TC2N: variants seen among roughly 807,000 people sequenced by gnomAD.
TC2N encodes the protein tandem C2 domains, nuclear.
A neutral mutation model predicts 61.9 loss-of-function variants in TC2N; 51 were observed. The ratio of observed to expected loss-of-function variants is 0.82; its 90% CI spans 0.66 to 1.04. The LOEUF is 1.04. TC2N is among the 50% of genes least tolerant of loss of function. TC2N has a pLI of 0.00. For missense variants in TC2N, 556 were observed against 566.7 expected, an observed-to-expected ratio of 0.98 and a Z score of 0.19; for synonymous variants, 204 against 192.6, an observed-to-expected ratio of 1.06 and a Z score of -0.49.
chr14:91,783,248 C>T (rs1242116707), intron 11 of TC2N, 38 bp from the exon 12 acceptor site: 3 of 1,167,072 alleles, frequency 2.6e-6, no homozygotes, highest in African/African-American at 1.5e-5. Context: ...TAACTTGACA[C>T]AATAATAATA....
At chr14:91,813,391 T>A (rs1886865906) in intron 2 of TC2N, among the ~76,000 whole-genome samples, 1 of 151,798 alleles carries the variant, frequency 6.6e-6, no homozygotes, top group South Asian at 2.1e-4. Flanking sequence ...TACTATTTCA[T>A]CCACCTGTAA....
chr14:91,798,718 T>C (rs993274095), intron 6 of TC2N, among the ~76,000 whole-genome samples: 2 of 152,008 alleles, frequency 1.3e-5, no homozygotes, highest in Admixed American at 1.3e-4. Flanking sequence ...GCTCCTTCAC[T>C]AGTACACTTT....
chr14:91,846,638 C>T lies in TC2N; in HGVS notation c.-57+20624G>A, dbSNP rs574363783. 3.3e-5 allele frequency among the ~76,000 whole-genome samples: 5 copies of T among 152,340 alleles called. No individual in the cohort carries two copies. The South Asian group carries it at 1.0e-3, about 32-fold the overall frequency. ...CTCGCTTTGATTCCATCCCTTTACT[C>T]CCATTCAGAGAATTCTACTTGAATT... On this transcript the variant is annotated intron_variant, in intron 1 of 11. Coordinates refer to ENST00000435962, the MANE Select transcript of TC2N (RefSeq NM_001128596.3).
At position 91,787,509 on chromosome 14, in the gene TC2N, T is replaced by C. The variant is rs1457654763; in HGVS notation, c.1162+4A>G. The stretch of plus-strand genomic sequence containing the variant: ...ATTCTACTTTGAACCACTGATATAC[T>C]TACTCAAAGTCAGAGGTGTTGATGA... On this transcript the variant is annotated splice_donor_region_variant and intron_variant, in intron 10 of 11. Coordinates refer to ENST00000435962, the MANE Select transcript of TC2N (RefSeq NM_001128596.3). 1 of 1,576,526 alleles carries C rather than the reference T, an allele frequency of 6.3e-7. No homozygotes were observed. The highest frequency in any genetic ancestry group is 1.1e-5 in the South Asian group (1 of 87,750).
intron 1 of TC2N, among the ~76,000 whole-genome samples, chr14:91,851,531 G>A (rs1470765907): frequency 6.6e-6 from 1 of 152,160 alleles, no homozygotes; most frequent in Non-Finnish European, 1.5e-5. Flanking sequence ...GCGTCGGAAT[G>A]AAGAAGGAAG....
chr14:91,853,631 T>A (rs1177737682), intron 1 of TC2N, among the ~76,000 whole-genome samples: 2 of 36,358 alleles, frequency 5.5e-5, no homozygotes, highest in Non-Finnish European at 1.1e-4. Flanking sequence ...CTGCTTGGAT[T>A]TTTTTTTTTT....
intron 9 of TC2N, among the ~76,000 whole-genome samples, chr14:91,791,843 G>A (rs746529736): frequency 2.4e-4 from 36 of 152,272 alleles, no homozygotes; most frequent in Middle Eastern, 6.8e-3. Context: ...GAGGCCAGGC[G>A]CAGTGGCTCA....
intron 1 of TC2N, among the ~76,000 whole-genome samples, chr14:91,851,511 T>C (rs12887612): frequency 0.13 from 20,109 of 152,172 alleles, 1,456 homozygotes; most frequent in East Asian, 0.19. Context: ...TGTTTGATGC[T>C]GTTGCCGTAG....
intron 1 of TC2N, among the ~76,000 whole-genome samples, chr14:91,845,663 T>C (rs1017394339): frequency 7.2e-5 from 11 of 152,308 alleles, no homozygotes; most frequent in Non-Finnish European, 1.3e-4. Flanking sequence ...TATGGGAACA[T>C]ATTCAGAGAA....
chr14:91,846,875 A>T (rs1012918806), intron 1 of TC2N, among the ~76,000 whole-genome samples: 2 of 152,208 alleles, frequency 1.3e-5, no homozygotes, highest in Non-Finnish European at 2.9e-5. Context: ...ATCAACAAGG[A>T]TGTTTTCAGC....
intron 3 of TC2N, among the ~76,000 whole-genome samples, chr14:91,808,107 G>C (rs1238308488): frequency 6.6e-6 from 1 of 152,126 alleles, no homozygotes; most frequent in Non-Finnish European, 1.5e-5. Flanking sequence ...ATGGAACTGT[G>C]ATTCCATTAA....
At chr14:91,833,615 TTAC>T (rs1460735865) in intron 1 of TC2N, among the ~76,000 whole-genome samples, 1 of 152,182 alleles carries the variant, frequency 6.6e-6, no homozygotes, top group African/African-American at 2.4e-5. Context: ...CCATCCCTCC[TTAC>T]TTTCTCTTTC....
intron 3 of TC2N, among the ~76,000 whole-genome samples, chr14:91,811,521 G>T (rs1390071060): frequency 6.6e-6 from 1 of 151,868 alleles, no homozygotes; most frequent in Admixed American, 6.6e-5. Flanking sequence ...TAATAATTTG[G>T]CTTCTACATC....
At chr14:91,853,649 T>TACACACACAC (rs71123304) in intron 1 of TC2N, among the ~76,000 whole-genome samples, 57 of 103,074 alleles carry the variant, frequency 5.5e-4, no homozygotes, top group African/African-American at 2.1e-3. Flanking sequence ...TTTTTTAAAG[T>TACACACACAC]ACACACACAC....
chr14:91,789,003 TG>T (rs1885502169), intron 9 of TC2N, among the ~76,000 whole-genome samples: 1 of 152,182 alleles, frequency 6.6e-6, no homozygotes. Flanking sequence ...TTGCTGTCCT[TG>T]GCATTTAAAA....
chr14:91,828,224 A>T (rs1887586732), intron 1 of TC2N, among the ~76,000 whole-genome samples: 1 of 152,176 alleles, frequency 6.6e-6, no homozygotes, highest in Non-Finnish European at 1.5e-5. Flanking sequence ...TCAATAATAT[A>T]CAAAAGTATA....
In TC2N at chr14:91,802,264, C is replaced by T; in HGVS notation, c.459G>A (p.Leu153=). 1 of 1,580,198 alleles carries T rather than the reference C, an allele frequency of 6.3e-7. No homozygotes were observed. The change falls in exon 4 of 12, where the codon CTG becomes CTA. Residue 153 remains leucine, a synonymous_variant. Transcript: ENST00000435962. ...RFPPRSEVKR[L]YGSVCDLRTN... ...AAAAGATCTTCATACCCGATCCATA[C>T]AGTCTCTTCACTTCTGAACGGGGAG... is the stretch of plus-strand genomic sequence containing the variant.
At chr14:91,811,272 T>C (rs569745204) in intron 3 of TC2N, among the ~76,000 whole-genome samples, 1 of 152,110 alleles carries the variant, frequency 6.6e-6, no homozygotes, top group Non-Finnish European at 1.5e-5. Context: ...GAAGAATGGA[T>C]AGGTAGACAG....
chr14:91,791,278 T>C (rs922555266), intron 9 of TC2N, among the ~76,000 whole-genome samples: 3 of 151,830 alleles, frequency 2.0e-5, no homozygotes, highest in African/African-American at 7.3e-5. Context: ...AAATTCTAAT[T>C]TTTTTTAGTT....
Sources: allele counts gnomAD v4.1 joint callset (sites outside exome capture counted in the v4.1 genomes callset), GRCh38; gene constraint gnomAD v4.1.1; transcripts MANE v1.5; gene names NCBI Gene and HGNC (gene_info 2026-07-23, HGNC 2026-07-21).